Variants in CACNB2 observed in about 807,000 individuals in gnomAD.
CACNB2 encodes the protein calcium voltage-gated channel auxiliary subunit beta 2.
A neutral mutation model predicts 73.3 loss-of-function variants in CACNB2; 42 were observed. The observed-to-expected ratio is 0.57, with a 90% CI of 0.45 to 0.74. The LOEUF (loss-of-function observed/expected upper bound fraction) is 0.74. Ranked by LOEUF, CACNB2 falls within the 30% of genes least tolerant of loss-of-function variation. CACNB2 has a pLI of 0.00. For synonymous variants in CACNB2, 348 were observed against 310.3 expected, an observed-to-expected ratio of 1.12 and a Z score of -1.28; for missense variants, 940 against 853.0, an observed-to-expected ratio of 1.10 and a Z score of -1.27.
At chr10:18,319,358 G>C (rs927280930) in intron 2 of CACNB2, among the ~76,000 whole-genome samples, 2 of 152,038 alleles carry the variant, frequency 1.3e-5, no homozygotes, top group Non-Finnish European at 2.9e-5. Flanking sequence ...CAGAAAACCA[G>C]ACACTGCATG....
chr10:18,301,668 A>C (rs2039516920), intron 2 of CACNB2, among the ~76,000 whole-genome samples: 1 of 146,944 alleles, frequency 6.8e-6, no homozygotes, highest in African/African-American at 2.5e-5. Context: ...TCCTTTTTTG[A>C]GATGGAGTCT....
rs946681094 is a variant in CACNB2 at position 18,539,508 on chromosome 10, C to G, written c.1767C>G (p.Asn589Lys). Residue 589 changes from asparagine (N) to lysine (K), a missense_variant, in exon 14 of 14, where the codon AAC (asparagine) becomes AAG (lysine). Transcript: ENST00000324631. ...VDHYASHRDH[N>K]HRDETHGSSD... ...ACTATGCCTCACACCGTGACCACAA[C>G]CACAGAGACGAGACCCACGGGAGCA... The G allele has an allele frequency of 1.2e-6, 2 of 1,613,902 alleles. No homozygotes were observed. Among genetic ancestry groups the G allele is most frequent in the Non-Finnish European group, 1.7e-6 (2 of 1,179,992 alleles).
intron 2 of CACNB2, among the ~76,000 whole-genome samples, chr10:18,262,716 C>A (rs1035034066): frequency 2.0e-5 from 3 of 152,122 alleles, no homozygotes; most frequent in Non-Finnish European, 4.4e-5. Flanking sequence ...GTGAGAATTT[C>A]TTAGCTTTCT....
intron 2 of CACNB2, among the ~76,000 whole-genome samples, chr10:18,279,306 G>A (rs1467360120): frequency 3.3e-5 from 5 of 152,130 alleles, no homozygotes; most frequent in Admixed American, 3.3e-4. Flanking sequence ...CAGTCAGTAA[G>A]AGCCAGAAAT....
chr10:18,268,454 T>G (rs2037906726), intron 2 of CACNB2, among the ~76,000 whole-genome samples: 1 of 152,222 alleles, frequency 6.6e-6, no homozygotes, highest in Admixed American at 6.5e-5. Flanking sequence ...GAGAAAAGGC[T>G]AGATTTGTAT....
chr10:18,150,819 A>T lies in CACNB2; in HGVS notation c.121-64A>T, dbSNP rs2031453160. On this transcript the variant is annotated intron_variant, in intron 1 of 13. Transcript: ENST00000324631. ...TGACATTTTCTGCAACTAGGCCTACATTCCTGTTAAAGGGTCTCATAATAA... is the reference window on the plus strand; with the variant it reads ...TGACATTTTCTGCAACTAGGCCTACTTTCCTGTTAAAGGGTCTCATAATAA... 8 of 1,052,510 alleles carry T rather than the reference A, an allele frequency of 7.6e-6. No individual in the cohort carries two copies. In the South Asian group the frequency reaches 8.9e-5, roughly 12 times the overall value. The allele number at this position is 1,052,510 out of a possible 1,614,324, so 65.2% of individuals were successfully genotyped here.
chr10:18,302,139 T>C (rs971598015), intron 2 of CACNB2, among the ~76,000 whole-genome samples: 1 of 152,132 alleles, frequency 6.6e-6, no homozygotes. Context: ...GCCTCCCAAC[T>C]TGACGTAAAG....
chr10:18,169,846 C>G (rs184873243), intron 2 of CACNB2, among the ~76,000 whole-genome samples: 7 of 152,324 alleles, frequency 4.6e-5, no homozygotes, highest in African/African-American at 1.7e-4. Flanking sequence ...AAACATGACT[C>G]AGGCTGGCTT....
intron 2 of CACNB2, among the ~76,000 whole-genome samples, chr10:18,303,447 G>A (rs2039606595): frequency 6.6e-6 from 1 of 152,124 alleles, no homozygotes; most frequent in South Asian, 2.1e-4. Context: ...GAAGGCTGCA[G>A]TGAGCCATGA....
At chr10:18,376,512 GGACAGTTAAA>G (rs1478904543) in intron 2 of CACNB2, among the ~76,000 whole-genome samples, 1 of 152,142 alleles carries the variant, frequency 6.6e-6, no homozygotes, top group African/African-American at 2.4e-5. Context: ...AAATGTGGCT[GGACAGTTAAA>G]GAGAGAATTA....
At position 18,534,233 on chromosome 10, in the gene CACNB2, T is replaced by C. The variant is rs147857449; in HGVS notation, c.1206+6T>C. On this transcript the variant is annotated splice_donor_region_variant and intron_variant, in intron 11 of 13. Transcript: ENST00000324631. ...TAAAGATTTCTTCTCCTAAGGTAAG[T>C]AGGACTGCTACTGTTTGCTCTATAA... 1,738 of 1,608,896 alleles carry C rather than the reference T, an allele frequency of 1.1e-3. 17 individuals are homozygous for C. In the African/African-American group the frequency reaches 0.019, roughly 17 times the overall value.
chr10:18,530,505 C>T (rs1209415100), intron 10 of CACNB2, among the ~76,000 whole-genome samples: 1 of 62,064 alleles, frequency 1.6e-5, no homozygotes, highest in Non-Finnish European at 3.2e-5. Flanking sequence ...GCAAGAAGTA[C>T]AAAAATGCAA....
chr10:18,524,625 A>G (rs192348194), intron 9 of CACNB2, among the ~76,000 whole-genome samples: 308 of 147,906 alleles, frequency 2.1e-3, no homozygotes, highest in South Asian at 6.9e-3. Flanking sequence ...ATTGCATTCT[A>G]GCCTGGGTGA....
chr10:18,324,764 G>A (rs1214855745), intron 2 of CACNB2, among the ~76,000 whole-genome samples: 1 of 152,220 alleles, frequency 6.6e-6, no homozygotes, highest in Non-Finnish European at 1.5e-5. Flanking sequence ...GCTGAGGCAG[G>A]AGAATTGCTT....
At chr10:18,362,311 T>C (rs2042175178) in intron 2 of CACNB2, among the ~76,000 whole-genome samples, 1 of 152,240 alleles carries the variant, frequency 6.6e-6, no homozygotes, top group South Asian at 2.1e-4. Flanking sequence ...GAATTTTGTT[T>C]CAGTTATAGC....
chr10:18,242,694 C>G (rs2036702189), intron 2 of CACNB2, among the ~76,000 whole-genome samples: 1 of 151,808 alleles, frequency 6.6e-6, no homozygotes, highest in Admixed American at 6.6e-5. Context: ...AGAAAACATG[C>G]AAAAAGTTGG....
intron 2 of CACNB2, among the ~76,000 whole-genome samples, chr10:18,325,251 T>C (rs2040536661): frequency 6.6e-6 from 1 of 152,212 alleles, no homozygotes. Context: ...GTACAGTGGC[T>C]CAGTCATAGC....
chr10:18,194,034 C>T (rs2034519194), intron 2 of CACNB2, among the ~76,000 whole-genome samples: 1 of 152,072 alleles, frequency 6.6e-6, no homozygotes, highest in South Asian at 2.1e-4. Context: ...TGGGGTAGAC[C>T]TTTTGGAGAA....
chr10:18,329,616 G>A (rs560885045), intron 2 of CACNB2, among the ~76,000 whole-genome samples: 1 of 151,940 alleles, frequency 6.6e-6, no homozygotes, highest in South Asian at 2.1e-4. Flanking sequence ...CACTAAGTGT[G>A]CGTTTAGAAA....
Sources: gnomAD v4.1 joint callset for allele counts (sites outside exome capture counted in the v4.1 genomes callset) on GRCh38, gnomAD v4.1.1 for gene constraint, MANE v1.5 for transcripts, NCBI Gene and HGNC (gene_info 2026-07-23, HGNC 2026-07-21) for gene names.